Variants in SEL1L observed in about 807,000 individuals in gnomAD.
SEL1L encodes the protein protein sel-1 homolog 1.
A neutral mutation model predicts 109.8 loss-of-function variants in SEL1L; 52 were observed. The observed-to-expected ratio is 0.47, with a 90% CI of 0.38 to 0.60. The LOEUF (loss-of-function observed/expected upper bound fraction) is 0.60, where lower values mean the gene tolerates loss of function less well. Among genes scored for constraint, SEL1L ranks in the 20% least tolerant of loss-of-function variants. The pLI, the probability that SEL1L is intolerant of heterozygous loss-of-function variation, is 0.00. For synonymous variants in SEL1L, 373 were observed against 339.6 expected, an observed-to-expected ratio of 1.10 and a Z score of -1.08; for missense variants, 749 against 962.2, an observed-to-expected ratio of 0.78 and a Z score of 2.93.
intron 19 of SEL1L, among the ~76,000 whole-genome samples, chr14:81,483,820 C>T (rs1444608171): frequency 6.6e-6 from 1 of 151,978 alleles, no homozygotes; most frequent in Non-Finnish European, 1.5e-5. Context: ...GTCATGAGTC[C>T]AGAGAATGAC....
intron 2 of SEL1L, among the ~76,000 whole-genome samples, chr14:81,527,448 C>T (rs991556958): frequency 1.3e-5 from 2 of 151,424 alleles, no homozygotes; most frequent in East Asian, 3.9e-4. Flanking sequence ...TACACACACA[C>T]ACACACACAC....
At chr14:81,486,181 A>T in intron 17 of SEL1L, 108 bp downstream of exon 17, 2 of 1,081,966 alleles carry the variant, frequency 1.8e-6, no homozygotes, top group South Asian at 3.3e-5. Flanking sequence ...TTCCAGTTAC[A>T]ATAATAAAGA....
Position 81,477,343 on chromosome 14 carries a change from C to T in SEL1L, c.2176-162G>A, listed in dbSNP as rs1052525243. 5.6e-4 allele frequency among the ~76,000 whole-genome samples: 48 copies of T among 86,420 alleles called. 1 individual carries two copies. Among genetic ancestry groups the T allele is most frequent in the African/African-American group, 1.1e-3 (32 of 30,434 alleles). The allele number at this position is 86,420 out of a possible 152,430, so 56.7% of individuals were successfully genotyped here. Reference sequence around the variant, plus strand: ...TGTGTGTGTGTGTGTGTGTTTAAAGCGGTTTTAAAAGCCTTCAACTGAAGC... The same window carrying T: ...TGTGTGTGTGTGTGTGTGTTTAAAGTGGTTTTAAAAGCCTTCAACTGAAGC... On this transcript the variant is annotated intron_variant, in intron 20 of 20. Transcript: ENST00000336735.
intron 13 of SEL1L, among the ~76,000 whole-genome samples, chr14:81,489,785 G>A (rs1441438745): frequency 6.6e-6 from 1 of 152,088 alleles, no homozygotes; most frequent in African/African-American, 2.4e-5. Flanking sequence ...TTATTGGAGT[G>A]TCATGGAACA....
Position 81,476,891 on chromosome 14 carries a change from C to T in SEL1L, c.*81G>A. 1.4e-6 allele frequency: 2 copies of T among 1,434,322 alleles called. No individual in the cohort carries two copies. Among genetic ancestry groups the T allele is most frequent in the Non-Finnish European group, 1.9e-6 (2 of 1,044,330 alleles). The allele number at this position is 1,434,322 out of a possible 1,614,324, so 88.8% of individuals were successfully genotyped here. A position where few individuals can be genotyped will look rare whatever the true frequency, so the allele number is the denominator to read the frequency against. ...CCTCTTCTGGGAGGTGACCACTGAT[C>T]CAAGGTCCTAAATCAAATGCAAGTG... is the stretch of plus-strand genomic sequence containing the variant. On this transcript the variant is annotated 3_prime_UTR_variant, in exon 21 of 21. Coordinates refer to ENST00000336735, the MANE Select transcript of SEL1L (RefSeq NM_005065.6).
chr14:81,527,077 C>T, intron 2 of SEL1L, 113 bp from the exon 3 acceptor site: 1 of 746,972 alleles, frequency 1.3e-6, no homozygotes, highest in Non-Finnish European at 2.3e-6. Context: ...CCTTGAAGTG[C>T]CACACTCACT....
chr14:81,483,032 G>C (rs1903409098), intron 19 of SEL1L, among the ~76,000 whole-genome samples: 1 of 152,166 alleles, frequency 6.6e-6, no homozygotes, highest in Non-Finnish European at 1.5e-5. Flanking sequence ...CAACTGAAGA[G>C]GGACCTATCA....
chr14:81,518,738 A>T (rs1002905602), intron 3 of SEL1L, among the ~76,000 whole-genome samples: 6 of 151,874 alleles, frequency 4.0e-5, no homozygotes, highest in Non-Finnish European at 8.8e-5. Context: ...TTTCTAAGAT[A>T]GACCATTATG....
At chr14:81,510,514 C>CTCTATATATATATATATATA (rs35474067) in intron 3 of SEL1L, among the ~76,000 whole-genome samples, 13 of 104,078 alleles carry the variant, frequency 1.2e-4, no homozygotes, top group Admixed American at 4.2e-4. Context: ...CTCTCTCTCT[C>CTCTATATATATATATATATA]TATATATATA....
chr14:81,515,867 C>A (rs1884680099), intron 3 of SEL1L, among the ~76,000 whole-genome samples: 1 of 152,042 alleles, frequency 6.6e-6, no homozygotes, highest in Admixed American at 6.5e-5. Flanking sequence ...TAATAGGGAC[C>A]AAGAGGAACA....
chr14:81,485,632 G>A lies in SEL1L; in HGVS notation c.1873+40C>T, dbSNP rs181704137. On this transcript the variant is annotated intron_variant, in intron 18 of 20. Coordinates refer to ENST00000336735, the MANE Select transcript of SEL1L (RefSeq NM_005065.6). ...CATGGGAGATAAACAACATAGGGAG[G>A]TCCCTGGGTGAAACTCTTATCTTAG... 238 of 1,513,108 alleles carry A rather than the reference G, an allele frequency of 1.6e-4. 1 individual carries two copies. In the East Asian group the frequency reaches 4.6e-3, roughly 30 times the overall value. 93.7% of individuals were successfully genotyped at this position (1,513,108 alleles called of 1,614,324 possible).
At chr14:81,504,106 C>A in intron 5 of SEL1L, 95 bp downstream of exon 5, 1 of 644,922 alleles carries the variant, frequency 1.6e-6, no homozygotes, top group Non-Finnish European at 2.5e-6. Context: ...AAATCTTCTG[C>A]GTCTCTGGCA....
chr14:81,512,915 T>G (rs1884545837), intron 3 of SEL1L, among the ~76,000 whole-genome samples: 1 of 152,222 alleles, frequency 6.6e-6, no homozygotes, highest in Non-Finnish European at 1.5e-5. Context: ...AAAGACCGCT[T>G]ATCATGTGGC....
rs564246978 is a variant in SEL1L, at chr14:81,488,049, A to G, written c.1396-107T>C. On this transcript the variant is annotated intron_variant, in intron 14 of 20. Transcript: ENST00000336735. ...ACAAAGCATATAAAAAAATATTCCCAAAGAGCCATTAAAAAGACCACTTTC... is the reference window on the plus strand; with the variant it reads ...ACAAAGCATATAAAAAAATATTCCCGAAGAGCCATTAAAAAGACCACTTTC... The G allele has an allele frequency of 1.3e-5, 11 of 822,584 alleles. No homozygotes were observed. In the African/African-American group the frequency reaches 1.6e-4, roughly 12 times the overall value. The allele number at this position is 822,584 out of a possible 1,614,324, so 51.0% of individuals were successfully genotyped here. A position where few individuals can be genotyped will look rare whatever the true frequency, so the allele number is the denominator to read the frequency against.
At chr14:81,525,313 C>A (rs902840862) in intron 3 of SEL1L, among the ~76,000 whole-genome samples, 1 of 151,512 alleles carries the variant, frequency 6.6e-6, no homozygotes, top group South Asian at 2.1e-4. Context: ...CTTTGGGAGG[C>A]CAAAGAGGGA....
At chr14:81,531,508 A>T (rs1595541743) in intron 1 of SEL1L, among the ~76,000 whole-genome samples, 1 of 152,338 alleles carries the variant, frequency 6.6e-6, no homozygotes, top group East Asian at 1.9e-4. Flanking sequence ...ATCACAATTG[A>T]AAATCCATAG....
intron 3 of SEL1L, among the ~76,000 whole-genome samples, chr14:81,507,029 T>C (rs1039632471): frequency 2.6e-4 from 40 of 152,262 alleles, no homozygotes; most frequent in African/African-American, 8.7e-4. Context: ...TAGCAGTGAA[T>C]GAAAGGCTCA....
intron 4 of SEL1L, among the ~76,000 whole-genome samples, chr14:81,505,299 A>C (rs1884195664): frequency 6.6e-6 from 1 of 152,224 alleles, no homozygotes; most frequent in African/African-American, 2.4e-5. Flanking sequence ...GAACTGTTAT[A>C]GATTTTTCAA....
chr14:81,504,614 T>C (rs1484957610), intron 4 of SEL1L, among the ~76,000 whole-genome samples: 1 of 152,114 alleles, frequency 6.6e-6, no homozygotes, highest in East Asian at 1.9e-4. Context: ...ATAATTCAAC[T>C]AAAATTTCAG....
Sources: gnomAD v4.1 joint callset for allele counts (sites outside exome capture counted in the v4.1 genomes callset) on GRCh38, gnomAD v4.1.1 for gene constraint, MANE v1.5 for transcripts, NCBI Gene and HGNC (gene_info 2026-07-23, HGNC 2026-07-21) for gene names.